Variants in PGCKA1 observed in about 807,000 individuals in gnomAD.
The protein encoded by PGCKA1 is PDCD10 and GCKIII kinases associated 1, also known as PDCD10 and GCKIII kinases-associated protein 1.
the PGCKA1 span, among the ~76,000 whole-genome samples, chr4:37,589,227 C>T: frequency 9.9e-5 from 15 of 152,158 alleles, no homozygotes; most frequent in African/African-American, 2.4e-4. Flanking sequence ...ATTTTGTCCA[C>T]ATTGCATTTC....
chr4:37,567,340 C>A, the PGCKA1 span, among the ~76,000 whole-genome samples: 21 of 152,242 alleles, frequency 1.4e-4, no homozygotes, highest in Non-Finnish European at 2.8e-4. Context: ...CAGTGGCTAA[C>A]TGCTTATTGT....
chr4:37,571,395 C>G, the PGCKA1 span, among the ~76,000 whole-genome samples: 958 of 118,810 alleles, frequency 8.1e-3, 34 homozygotes, highest in East Asian at 0.13. Flanking sequence ...ACAGACCTCA[C>G]TCTATCATCC....
At chr4:37,477,162 G>A in the PGCKA1 span, among the ~76,000 whole-genome samples, 2 of 152,182 alleles carry the variant, frequency 1.3e-5, no homozygotes, top group African/African-American at 4.8e-5. Context: ...ACTGACTGAT[G>A]AGTAGAAAAT....
chr4:37,548,757 T>C, the PGCKA1 span, among the ~76,000 whole-genome samples: 1 of 152,032 alleles, frequency 6.6e-6, no homozygotes, highest in Non-Finnish European at 1.5e-5. Flanking sequence ...TAAAAATAGG[T>C]GCTAAAAGAA....
the PGCKA1 span, among the ~76,000 whole-genome samples, chr4:37,556,644 C>T: frequency 2.2e-4 from 34 of 152,232 alleles, no homozygotes; most frequent in Admixed American, 2.2e-3. Flanking sequence ...TGGAAGCCTC[C>T]CAGTTACACT....
the PGCKA1 span, chr4:37,589,972 G>A: frequency 3.7e-6 from 3 of 811,410 alleles, no homozygotes; most frequent in Admixed American, 2.3e-5. Flanking sequence ...ACTTATCTAG[G>A]TTGAAAAGTA....
chr4:37,490,635 T>G, the PGCKA1 span, among the ~76,000 whole-genome samples: 1 of 152,174 alleles, frequency 6.6e-6, no homozygotes, highest in African/African-American at 2.4e-5. Context: ...CTCTCCCGGC[T>G]TCTCCTCTCA....
chr4:37,569,435 G>T, the PGCKA1 span, among the ~76,000 whole-genome samples: 2 of 152,038 alleles, frequency 1.3e-5, no homozygotes, highest in Non-Finnish European at 2.9e-5. Flanking sequence ...CTGACTTCAG[G>T]TGATCTGCCT....
chr4:37,588,956 A>G, the PGCKA1 span: 2 of 1,286,628 alleles, frequency 1.6e-6, no homozygotes, highest in Admixed American at 3.4e-5. Flanking sequence ...GCGTGGGGTC[A>G]CTTTTAAAGA....
chr4:37,470,295 C>T, the PGCKA1 span, among the ~76,000 whole-genome samples: 1 of 152,152 alleles, frequency 6.6e-6, no homozygotes, highest in African/African-American at 2.4e-5. Flanking sequence ...TAGAAATTCC[C>T]AGTTGGAACT....
the PGCKA1 span, among the ~76,000 whole-genome samples, chr4:37,555,847 G>T: frequency 2.0e-5 from 3 of 152,130 alleles, no homozygotes; most frequent in East Asian, 5.8e-4. Context: ...AAATCATATG[G>T]TTCTGCCTTC....
chr4:37,563,251 G>T, the PGCKA1 span, among the ~76,000 whole-genome samples: 2 of 152,150 alleles, frequency 1.3e-5, no homozygotes, highest in Admixed American at 1.3e-4. Context: ...TTAAACAAAA[G>T]AAATTTATTT....
the PGCKA1 span, among the ~76,000 whole-genome samples, chr4:37,486,426 A>T: frequency 1.3e-5 from 2 of 152,156 alleles, no homozygotes; most frequent in Non-Finnish European, 2.9e-5. Flanking sequence ...GAAACCACTT[A>T]TTTATTGACA....
chr4:37,558,133 G>A, the PGCKA1 span: 4 of 152,072 alleles, frequency 2.6e-5, no homozygotes, highest in African/African-American at 7.2e-5. Flanking sequence ...TTCACTTTCT[G>A]TTAAATTTTC....
the PGCKA1 span, among the ~76,000 whole-genome samples, chr4:37,461,993 G>A: frequency 6.6e-6 from 1 of 152,044 alleles, no homozygotes; most frequent in South Asian, 2.1e-4. Flanking sequence ...AGGCTGGGAT[G>A]TTATCTTTGC....
At chr4:37,471,578 T>G in the PGCKA1 span, among the ~76,000 whole-genome samples, 1 of 152,154 alleles carries the variant, frequency 6.6e-6, no homozygotes, top group East Asian at 1.9e-4. Context: ...CCCTGTAATA[T>G]CTACTGGGAA....
the PGCKA1 span, among the ~76,000 whole-genome samples, chr4:37,533,642 AT>A: frequency 6.6e-6 from 1 of 152,210 alleles, no homozygotes; most frequent in African/African-American, 2.4e-5. Context: ...GAAAAATTGA[AT>A]GAAAAAAACA....
the PGCKA1 span, among the ~76,000 whole-genome samples, chr4:37,539,059 G>A: frequency 6.6e-6 from 1 of 152,080 alleles, no homozygotes; most frequent in Non-Finnish European, 1.5e-5. Flanking sequence ...TGTGTGTTTG[G>A]AGTTCCAAGC....
the PGCKA1 span, among the ~76,000 whole-genome samples, chr4:37,488,597 T>G: frequency 6.6e-6 from 1 of 152,138 alleles, no homozygotes; most frequent in Non-Finnish European, 1.5e-5. Flanking sequence ...CATTCTACTG[T>G]CTGAATCTAA....
Sources: gnomAD v4.1 joint callset for allele counts (sites outside exome capture counted in the v4.1 genomes callset) on GRCh38, gnomAD v4.1.1 for gene constraint, MANE v1.5 for transcripts, NCBI Gene and HGNC (gene_info 2026-07-23, HGNC 2026-07-21) for gene names.